Variants in ERICH6 observed in about 807,000 individuals in gnomAD.
The protein encoded by ERICH6 is glutamate-rich protein 6.
ERICH6 carries 71 observed loss-of-function variants against 71.0 expected under a neutral mutation model. The ratio of observed to expected loss-of-function variants is 1.00; its 90% CI spans 0.83 to 1.22. The LOEUF is 1.22. Among genes scored for constraint, ERICH6 ranks in the 50% most tolerant of loss-of-function variants. The probability of loss-of-function intolerance (pLI) is 0.00; values close to 1 mark genes in which losing one functional copy is unlikely to be tolerated. For synonymous variants in ERICH6, 262 were observed against 278.4 expected (o/e 0.94, Z 0.59); for missense variants, 808 against 797.2 (o/e 1.01, Z -0.16).
intron 3 of ERICH6, among the ~76,000 whole-genome samples, chr3:150,697,197 T>G (rs1712686735): frequency 6.6e-6 from 1 of 152,154 alleles, no homozygotes; most frequent in Non-Finnish European, 1.5e-5. Flanking sequence ...GGGGCCACAC[T>G]ACTACACTTT....
intron 1 of ERICH6, 97 bp downstream of exon 1, chr3:150,703,399 A>G: frequency 1.4e-6 from 2 of 1,447,242 alleles, no homozygotes; most frequent in Non-Finnish European, 1.8e-6. Flanking sequence ...ATCAGGCACG[A>G]CGCGCAGGTC....
chr3:150,703,806 C>CTCCTCCTCCTCCATCTCT lies in ERICH6; in HGVS notation c.92_93insAGAGATGGAGGAGGAGGA (p.Glu32_Glu33insMetGluGluGluGluGlu). On this transcript the variant is annotated inframe_insertion, in exon 1 of 14. Coordinates refer to ENST00000295910, the MANE Select transcript of ERICH6 (RefSeq NM_152394.5). ...CTTCCTCCTCCTCCTCCACCTCTTC[C>CTCCTCCTCCTCCATCTCT]TCCTCCTCCTCCTCCTCTAACTCCT... 1 of 1,557,182 alleles carries CTCCTCCTCCTCCATCTCT rather than the reference C, an allele frequency of 6.4e-7. No homozygotes were observed. The highest frequency in any genetic ancestry group is 2.3e-5 in the East Asian group (1 of 43,546).
intron 1 of ERICH6, 89 bp from the exon 2 acceptor site, chr3:150,702,267 AGAC>A: frequency 2.5e-6 from 1 of 406,036 alleles, no homozygotes; most frequent in African/African-American, 2.3e-5. Context: ...CAATGTCTGG[AGAC>A]TTTTTTTTTT....
At chr3:150,699,154 T>TA (rs1211376641) in intron 2 of ERICH6, among the ~76,000 whole-genome samples, 2 of 151,864 alleles carry the variant, frequency 1.3e-5, no homozygotes, top group Non-Finnish European at 2.9e-5. Context: ...CTATAAAACA[T>TA]AAAAAAATTA....
intron 6 of ERICH6, among the ~76,000 whole-genome samples, 158 bp from the exon 7 acceptor site, chr3:150,682,474 G>T (rs1415731992): frequency 6.6e-6 from 1 of 152,194 alleles, no homozygotes; most frequent in Non-Finnish European, 1.5e-5. Flanking sequence ...AAGGGCTGGT[G>T]AGGCTTCAGG....
chr3:150,677,629 T>C (rs1195480873), intron 10 of ERICH6, among the ~76,000 whole-genome samples: 1 of 151,970 alleles, frequency 6.6e-6, no homozygotes, highest in Non-Finnish European at 1.5e-5. Context: ...CCCAAGTGGC[T>C]GGGACTACAG....
At chr3:150,688,005 C>T (rs1158851317) in intron 3 of ERICH6, among the ~76,000 whole-genome samples, 1 of 151,818 alleles carries the variant, frequency 6.6e-6, no homozygotes, top group Non-Finnish European at 1.5e-5. Context: ...GCCTGTGGTC[C>T]CAGTTAGTGG....
At chr3:150,693,448 C>T (rs1712527730) in intron 3 of ERICH6, among the ~76,000 whole-genome samples, 1 of 152,050 alleles carries the variant, frequency 6.6e-6, no homozygotes, top group Admixed American at 6.6e-5. Flanking sequence ...TCTGACAGGC[C>T]TAGGAGCCCC....
intron 11 of ERICH6, among the ~76,000 whole-genome samples, chr3:150,672,587 C>A (rs1055943266): frequency 6.6e-6 from 1 of 151,378 alleles, no homozygotes; most frequent in African/African-American, 2.4e-5. Flanking sequence ...GAGACTATGT[C>A]TCAAAAAACA....
rs1200397793 is a variant in ERICH6, at chr3:150,703,797, C to T, written c.102G>A (p.Val34=). Residue 34 remains valine, a synonymous_variant, in exon 1 of 14, where the codon GTG becomes GTA. Transcript: ENST00000295910. ...CCTCCACCTCTTCCTCCTCCTCCTC[C>T]ACCTCTTCCTCCTCCTCCTCCTCCT... The part of the protein sequence containing the change: ...ELEEEEEEEE[V]EEEEEEVEEE... The T allele has an allele frequency of 6.2e-7, 1 of 1,611,308 alleles. No individual in the cohort carries two copies. Among genetic ancestry groups the T allele is most frequent in the Non-Finnish European group, 8.5e-7 (1 of 1,178,762 alleles).
intron 10 of ERICH6, among the ~76,000 whole-genome samples, chr3:150,675,696 G>C (rs1395359787): frequency 6.7e-6 from 1 of 150,162 alleles, no homozygotes; most frequent in East Asian, 2.1e-4. Context: ...TAGAATTCTA[G>C]ATTGGCCATT....
At chr3:150,684,827 G>A (rs1712112672) in intron 6 of ERICH6, among the ~76,000 whole-genome samples, 2 of 151,006 alleles carry the variant, frequency 1.3e-5, no homozygotes, top group Admixed American at 6.6e-5. Context: ...GAAACATAGT[G>A]AGACCCATCT....
Position 150,674,102 on chromosome 3 carries a change from C to A in ERICH6, c.1258-61G>T, listed in dbSNP as rs560993825. 6.4e-5 allele frequency: 84 copies of A among 1,320,354 alleles called. No homozygotes were observed. The South Asian group carries it at 8.9e-4, about 14-fold the overall frequency. The allele number at this position is 1,320,354 out of a possible 1,614,324, so 81.8% of individuals were successfully genotyped here. ...TTCGGACATAAAGTAGTAAGTACGA[C>A]AACAATGGACATCAGCTGGTTACTA... On this transcript the variant is annotated intron_variant, in intron 10 of 13. Transcript: ENST00000295910.
At chr3:150,689,260 A>C (rs955739050) in intron 3 of ERICH6, among the ~76,000 whole-genome samples, 1 of 152,158 alleles carries the variant, frequency 6.6e-6, no homozygotes, top group Non-Finnish European at 1.5e-5. Flanking sequence ...TTCCATGACA[A>C]TAGAAGGCAG....
At position 150,703,761 on chromosome 3, in the gene ERICH6, T is replaced by TTCCTCCTCCTCCTCCACCTCC. The variant is rs1713051722; in HGVS notation, c.137_138insGGAGGTGGAGGAGGAGGAGGA (p.Glu49_Val55dup). On this transcript the variant is annotated inframe_insertion, in exon 1 of 14. Transcript: ENST00000295910. ...CCTCCTCCTCCTCCTCCTCCACCTC[T>TTCCTCCTCCTCCTCCACCTCC]TCCTCCTCCTCCTCCACCTCTTCCT... The TTCCTCCTCCTCCTCCACCTCC allele has an allele frequency of 2.0e-6, 3 of 1,528,358 alleles. No individual in the cohort carries two copies. Among genetic ancestry groups the TTCCTCCTCCTCCTCCACCTCC allele is most frequent in the East Asian group, 4.7e-5 (2 of 42,982 alleles). The allele number at this position is 1,528,358 out of a possible 1,614,324, so 94.7% of individuals were successfully genotyped here. A position where few individuals can be genotyped will look rare whatever the true frequency, so the allele number is the denominator to read the frequency against.
intron 9 of ERICH6, among the ~76,000 whole-genome samples, chr3:150,679,401 T>C (rs6440692): frequency 0.92 from 139,955 of 152,008 alleles, 64,476 homozygotes; most frequent in East Asian, 1. Flanking sequence ...CTAAAGTCCA[T>C]TGTATCATTC....
chr3:150,662,629 C>T (rs1727265720), intron 13 of ERICH6, among the ~76,000 whole-genome samples: 2 of 152,138 alleles, frequency 1.3e-5, no homozygotes, highest in African/African-American at 4.8e-5. Flanking sequence ...GTAAATCTTT[C>T]TATCTATTTG....
intron 13 of ERICH6, 89 bp from the exon 14 acceptor site, chr3:150,660,244 G>T: frequency 6.9e-7 from 1 of 1,457,326 alleles, no homozygotes. Context: ...ACTTATGTGG[G>T]GTTGGATTCC....
At chr3:150,700,684 A>G (rs1320382650) in intron 2 of ERICH6, among the ~76,000 whole-genome samples, 1 of 151,756 alleles carries the variant, frequency 6.6e-6, no homozygotes, top group East Asian at 1.9e-4. Context: ...CCTGGGTTCA[A>G]GCGATTCTCC....
Sources: gnomAD v4.1 joint callset for allele counts (sites outside exome capture counted in the v4.1 genomes callset) on GRCh38, gnomAD v4.1.1 for gene constraint, MANE v1.5 for transcripts, NCBI Gene and HGNC (gene_info 2026-07-23, HGNC 2026-07-21) for gene names.